SCNN1D: variants seen among roughly 807,000 people sequenced by gnomAD.
SCNN1D encodes epithelial sodium channel subunit delta.
Under a neutral mutation model 87.8 loss-of-function variants are expected in SCNN1D, and 104 were observed. That is an observed-to-expected ratio of 1.18 (90% confidence interval 1.01 to 1.39). The LOEUF (loss-of-function observed/expected upper bound fraction) is 1.39, where lower values mean the gene tolerates loss of function less well. SCNN1D is among the 40% of genes most tolerant of loss of function. SCNN1D has a pLI of 0.00. For missense variants in SCNN1D, 1,324 were observed against 1,093.9 expected, an observed-to-expected ratio of 1.21 and a Z score of -2.97; for synonymous variants, 628 against 481.2, an observed-to-expected ratio of 1.31 and a Z score of -3.99.
chr1:1,291,410 C>G lies in SCNN1D; in HGVS notation c.2209C>G (p.Pro737Ala), dbSNP rs752113989. 9 of 1,607,706 alleles carry G rather than the reference C, an allele frequency of 5.6e-6. No homozygotes were observed. In the Admixed American group the frequency reaches 1.3e-4, roughly 24 times the overall value. ...RRLRRAWFSW[P>A]RASPASGASS... ...GCTCCGCAGGGCGTGGTTCTCCTGG[C>G]CCAGAGCCAGCCCTGCCTCAGGGGC... The change falls in exon 18 of 18, where the codon CCC becomes GCC. Residue 737 changes from proline (P) to alanine (A), a missense_variant. By Grantham distance (27) the Pro-to-Ala change is conservative. Coordinates refer to ENST00000379116, the MANE Select transcript of SCNN1D (RefSeq NM_001130413.4).
In SCNN1D at chr1:1,291,463, G is replaced by A. The variant is rs374381211; in HGVS notation, c.2262G>A (p.Gln754=). ...GASSIKPEAS[Q]MPPPAGGTSD... is the part of the protein sequence containing the mutation. ...CCAGCATCAAGCCAGAGGCCAGTCAGATGCCCCCGCCTGCAGGCGGCACGT... is the reference window on the plus strand; with the variant it reads ...CCAGCATCAAGCCAGAGGCCAGTCAAATGCCCCCGCCTGCAGGCGGCACGT... Residue 754 remains glutamine (Q), a synonymous_variant, in exon 18 of 18, where the codon CAG becomes CAA. Transcript: ENST00000379116. 6.2e-7 allele frequency: 1 copy of A among 1,608,244 alleles called. No individual in the cohort carries two copies. Among genetic ancestry groups the A allele is most frequent in the African/African-American group, 1.3e-5 (1 of 74,846 alleles).
rs756937517 is a variant in SCNN1D at position 1,287,750 on chromosome 1, G to A, written c.1477G>A (p.Val493Ile). The change falls in exon 11 of 18, where the codon GTT (valine) becomes ATT (isoleucine). Residue 493 changes from valine (V) to isoleucine (I), a missense_variant. Coordinates refer to ENST00000379116, the MANE Select transcript of SCNN1D (RefSeq NM_001130413.4). ...LSTLAGIRVM[V>I]HGRNHTPFLG... is the part of the protein sequence containing the mutation. Reference sequence around the variant, plus strand: ...CACGCTGGCCGGCATCAGGGTCATGGTTCACGGCCGTAACCACACGCCCTT... The same window carrying A: ...CACGCTGGCCGGCATCAGGGTCATGATTCACGGCCGTAACCACACGCCCTT... The A allele has an allele frequency of 1.9e-6, 3 of 1,605,028 alleles. No individual in the cohort carries two copies. In the Admixed American group the frequency reaches 5.1e-5, roughly 27 times the overall value.
intron 9 of SCNN1D, 30 bp downstream of exon 9, chr1:1,287,329 C>T: frequency 1.3e-6 from 2 of 1,539,620 alleles, no homozygotes; most frequent in Non-Finnish European, 1.8e-6. Context: ...GCCACTCCTT[C>T]CGTCCCACCC....
chr1:1,288,252 C>G, intron 12 of SCNN1D, among the ~76,000 whole-genome samples: 1 of 132,292 alleles, frequency 7.6e-6, no homozygotes. Flanking sequence ...TGTCTCTGCT[C>G]CGTCCCGTGT....
intron 12 of SCNN1D, 124 bp from the exon 13 acceptor site, chr1:1,290,147 C>G (rs1640744459): frequency 1.9e-6 from 1 of 539,686 alleles, no homozygotes. Context: ...TCTGCTCCGT[C>G]CCGTGTCTCT....
Position 1,290,303 on chromosome 1 carries a change from G to T in SCNN1D, c.1695G>T (p.Met565Ile), listed in dbSNP as rs1295103027. ...ACLVSCFQQL[M>I]VETCSCGYYL... ...TGGTGTCCTGCTTCCAGCAGCTGATGGTGGAGACCTGCTCCTGTGGCTACT... is the reference window on the plus strand; with the variant it reads ...TGGTGTCCTGCTTCCAGCAGCTGATTGTGGAGACCTGCTCCTGTGGCTACT... Residue 565 changes from methionine (M) to isoleucine (I), a missense_variant, in exon 13 of 18, where the codon ATG becomes ATT. Coordinates refer to ENST00000379116, the MANE Select transcript of SCNN1D (RefSeq NM_001130413.4). 1 of 1,583,144 alleles carries T rather than the reference G, an allele frequency of 6.3e-7. No homozygotes were observed. Among genetic ancestry groups the T allele is most frequent in the East Asian group, 2.2e-5 (1 of 44,592 alleles).
chr1:1,283,763 C>T (rs1020262911), intron 4 of SCNN1D, among the ~76,000 whole-genome samples: 6 of 151,990 alleles, frequency 3.9e-5, no homozygotes, highest in African/African-American at 1.4e-4. Context: ...TCCTCCCCCT[C>T]CCTCCACAGG....
Position 1,291,118 on chromosome 1 carries a change from T to C in SCNN1D, c.2030T>C (p.Val677Ala), listed in dbSNP as rs745414454. 2.5e-6 allele frequency: 4 copies of C among 1,612,056 alleles called. No individual in the cohort carries two copies. The highest frequency in any genetic ancestry group is 3.4e-6 in the Non-Finnish European group (4 of 1,179,760). The change falls in exon 17 of 18, where the codon GTG (valine) becomes GCG (alanine). Residue 677 changes from valine to alanine, a missense_variant. Physicochemically the swap from Val to Ala is moderately conservative, Grantham distance 64 (BLOSUM62 0). Transcript: ENST00000379116. ...IVYQELNYRS[V>A]EEAPVYSVPQ... ...TACCAGGAGCTCAACTACCGCTCAG[T>C]GGAGGAGGCGCCCGTGTACTCGGTG...
intron 2 of SCNN1D, 31 bp from the exon 3 acceptor site, chr1:1,281,379 AG>A: frequency 6.5e-7 from 1 of 1,529,748 alleles, no homozygotes. Context: ...AAAGGGAGCC[AG>A]GGATGCCTGC....
In SCNN1D at chr1:1,288,255, TCCCGTG is replaced by T. The variant is rs1557584315; in HGVS notation, c.1662+219_1662+224del. 1.8e-5 allele frequency among the ~76,000 whole-genome samples: 2 copies of T among 112,192 alleles called. 1 individual carries two copies. Among genetic ancestry groups the T allele is most frequent in the East Asian group, 6.8e-4 (2 of 2,946 alleles). 73.6% of individuals were successfully genotyped at this position (112,192 alleles called of 152,430 possible). ...TGCTCCGTCCCGTGTCTCTGCTCCG[TCCCGTG>T]TCTCTGCTCCGTCCCCCGAGTCTCT... On this transcript the variant is annotated intron_variant, in intron 12 of 17. Coordinates refer to ENST00000379116, the MANE Select transcript of SCNN1D (RefSeq NM_001130413.4).
chr1:1,283,679 C>T (rs1225043759), intron 4 of SCNN1D, among the ~76,000 whole-genome samples: 1 of 152,036 alleles, frequency 6.6e-6, no homozygotes, highest in Non-Finnish European at 1.5e-5. Flanking sequence ...ACCTGGGCAA[C>T]AAGAGTGAGA....
At chr1:1,281,655 A>AG (rs1200769406) in intron 3 of SCNN1D, 45 bp downstream of exon 3, 4 of 1,498,296 alleles carry the variant, frequency 2.7e-6, no homozygotes, top group South Asian at 1.2e-5. Context: ...GGAGGAGGGG[A>AG]GGGGGGTGGA....
At chr1:1,284,886 T>C (rs1228216137) in intron 5 of SCNN1D, among the ~76,000 whole-genome samples, 1 of 152,098 alleles carries the variant, frequency 6.6e-6, no homozygotes, top group Non-Finnish European at 1.5e-5. Context: ...CTGGGGACCC[T>C]GACTGGCCCT....
chr1:1,291,217 C>T, intron 17 of SCNN1D, 37 bp from the exon 18 acceptor site: 1 of 1,570,034 alleles, frequency 6.4e-7, no homozygotes, highest in Non-Finnish European at 8.6e-7. Flanking sequence ...GGCACGGGGG[C>T]CTGGGCCCGC....
In SCNN1D at chr1:1,286,248, T is replaced by A; in HGVS notation, c.881T>A (p.Leu294Gln). 6.3e-7 allele frequency: 1 copy of A among 1,591,330 alleles called. No individual in the cohort carries two copies. Among genetic ancestry groups the A allele is most frequent in the Non-Finnish European group, 8.5e-7 (1 of 1,174,146 alleles). Residue 294 changes from leucine (L) to glutamine (Q), a missense_variant, in exon 7 of 18, where the codon CTG becomes CAG. Coordinates refer to ENST00000379116, the MANE Select transcript of SCNN1D (RefSeq NM_001130413.4). ...CACTCGGAGCGCAAGCTGCTCCCGC[T>A]GGTCACCCTGTGTGACGGGAACCCA... ...SVHSERKLLP[L>Q]VTLCDGNPRR...
chr1:1,282,613 C>T (rs886788774), intron 4 of SCNN1D, among the ~76,000 whole-genome samples: 9 of 152,176 alleles, frequency 5.9e-5, no homozygotes, highest in Non-Finnish European at 5.9e-5. Flanking sequence ...GATTTGGACC[C>T]TGACAGTAGC....
intron 10 of SCNN1D, 31 bp downstream of exon 10, chr1:1,287,627 C>T: frequency 6.2e-7 from 1 of 1,610,662 alleles, no homozygotes; most frequent in African/African-American, 1.3e-5. Flanking sequence ...GGTGCGGGGG[C>T]AGGGGTGCAG....
chr1:1,286,096 C>T lies in SCNN1D; in HGVS notation c.729C>T (p.Arg243=), dbSNP rs145341591. 9.3e-5 allele frequency: 149 copies of T among 1,608,900 alleles called. 4 individuals carry two copies. The African/African-American group carries it at 1.4e-3, about 15-fold the overall frequency. The change falls in exon 7 of 18, where the codon CGC becomes CGT. Residue 243 remains arginine (R), a synonymous_variant. Coordinates refer to ENST00000379116, the MANE Select transcript of SCNN1D (RefSeq NM_001130413.4). ...GCGCCATCCGCCTGGTCTGCTCCCG[C>T]GGGAACCGCCTCAAGACGACGTCCT... The part of the protein sequence containing the change: ...IHGAIRLVCS[R]GNRLKTTSWG...
intron 12 of SCNN1D, 64 bp downstream of exon 12, chr1:1,288,101 G>T (rs1209778817): frequency 4.5e-6 from 5 of 1,107,160 alleles, no homozygotes; most frequent in Non-Finnish European, 6.4e-6. Flanking sequence ...GGGTGTGGGC[G>T]GGTGGAACGG....
Sources: allele counts gnomAD v4.1 joint callset (sites outside exome capture counted in the v4.1 genomes callset), GRCh38; gene constraint gnomAD v4.1.1; transcripts MANE v1.5; gene names NCBI Gene and HGNC (gene_info 2026-07-23, HGNC 2026-07-21).